DGKB: variants seen among roughly 807,000 people sequenced by gnomAD.
DGKB encodes the protein 90 kDa diacylglycerol kinase.
DGKB carries 67 observed loss-of-function variants against 114.3 expected under a neutral mutation model. The observed-to-expected ratio is 0.59, with a 90% CI of 0.48 to 0.72. DGKB has a LOEUF of 0.72. DGKB is among the 30% of genes least tolerant of loss of function. The probability of loss-of-function intolerance (pLI) is 0.00; values close to 1 mark genes in which losing one functional copy is unlikely to be tolerated. For synonymous variants in DGKB, 398 were observed against 323.1 expected, an observed-to-expected ratio of 1.23 and a Z score of -2.49; for missense variants, 907 against 975.2, an observed-to-expected ratio of 0.93 and a Z score of 0.93.
At chr7:14,493,612 G>A (rs1398395931) in intron 20 of DGKB, among the ~76,000 whole-genome samples, 1 of 152,026 alleles carries the variant, frequency 6.6e-6, no homozygotes, top group East Asian at 1.9e-4. Context: ...GTGGCAGGTA[G>A]CATATTCAAC....
chr7:14,754,078 T>C (rs538160825), intron 3 of DGKB, 130 bp from the exon 4 acceptor site: 191 of 600,486 alleles, frequency 3.2e-4, no homozygotes, highest in Non-Finnish European at 5.2e-4. Flanking sequence ...CCTAGATCCA[T>C]AGGCCTCAAA....
intron 23 of DGKB, among the ~76,000 whole-genome samples, chr7:14,279,853 A>G (rs9719390): frequency 0.76 from 110,441 of 146,264 alleles, 42,809 homozygotes; most frequent in South Asian, 0.85. Context: ...ACAAAAACCC[A>G]TCTGTACATC....
chr7:14,351,205 A>C (rs1188379620), intron 21 of DGKB, among the ~76,000 whole-genome samples: 1 of 152,230 alleles, frequency 6.6e-6, no homozygotes, highest in African/African-American at 2.4e-5. Flanking sequence ...CATTGCCAAG[A>C]AACATTACAC....
At chr7:14,949,874 T>C (rs1289369567) in intron 1 of DGKB, among the ~76,000 whole-genome samples, 1 of 151,786 alleles carries the variant, frequency 6.6e-6, no homozygotes, top group Non-Finnish European at 1.5e-5. Context: ...ACACTGCATG[T>C]TCTCACTCAT....
At chr7:14,972,477 C>T (rs1345855387) in intron 1 of DGKB, among the ~76,000 whole-genome samples, 2 of 151,990 alleles carry the variant, frequency 1.3e-5, no homozygotes, top group East Asian at 1.9e-4. Flanking sequence ...AAATAACTTG[C>T]TATCTTCTCT....
intron 7 of DGKB, among the ~76,000 whole-genome samples, chr7:14,701,437 G>A (rs1048045791): frequency 5.3e-5 from 8 of 152,052 alleles, no homozygotes; most frequent in African/African-American, 1.9e-4. Context: ...TAACTTCAGT[G>A]CAGGAAAAAT....
intron 18 of DGKB, among the ~76,000 whole-genome samples, chr7:14,582,355 C>G (rs969628406): frequency 6.6e-6 from 1 of 152,096 alleles, no homozygotes; most frequent in African/African-American, 2.4e-5. Context: ...GCATACTTAC[C>G]TTATATCCTC....
At chr7:14,823,336 C>G (rs1483209955) in intron 2 of DGKB, among the ~76,000 whole-genome samples, 1 of 151,866 alleles carries the variant, frequency 6.6e-6, no homozygotes, top group African/African-American at 2.4e-5. Flanking sequence ...AATATTTTCT[C>G]AATTTAAAAA....
At chr7:14,497,727 A>C (rs887919642) in intron 20 of DGKB, among the ~76,000 whole-genome samples, 5 of 151,968 alleles carry the variant, frequency 3.3e-5, no homozygotes, top group African/African-American at 1.2e-4. Context: ...CAGAGAGTGA[A>C]CAAACTGACA....
At chr7:14,692,731 C>T (rs1823095209) in intron 9 of DGKB, among the ~76,000 whole-genome samples, 2 of 151,092 alleles carry the variant, frequency 1.3e-5, no homozygotes, top group South Asian at 4.2e-4. Flanking sequence ...TTAAGGGTAA[C>T]TTTCCATATA....
In DGKB at chr7:14,583,083, A is replaced by G. The variant is rs924181246; in HGVS notation, c.1488T>C (p.Asp496=). ...PDFRVLACGG[D]GTVGWVLDCI... Reference sequence around the variant, plus strand: ...AATCCAAAACCCAGCCCACGGTTCCATCTCCACCACAGGCTAACACTCTGA... The same window carrying G: ...AATCCAAAACCCAGCCCACGGTTCCGTCTCCACCACAGGCTAACACTCTGA... Residue 496 remains aspartate (D), a synonymous_variant, in exon 18 of 26, where the codon GAT becomes GAC. Transcript: ENST00000402815. 4 of 1,613,568 alleles carry G rather than the reference A, an allele frequency of 2.5e-6. No homozygotes were observed. The highest frequency in any genetic ancestry group is 3.3e-5 in the Admixed American group (2 of 59,936).
At chr7:14,770,929 T>C (rs1196176249) in intron 2 of DGKB, among the ~76,000 whole-genome samples, 2 of 152,136 alleles carry the variant, frequency 1.3e-5, no homozygotes, top group East Asian at 3.9e-4. Context: ...AGACCATTCC[T>C]GGGCCTTGAA....
chr7:14,339,529 C>A (rs929039516), intron 22 of DGKB, among the ~76,000 whole-genome samples: 4 of 152,006 alleles, frequency 2.6e-5, no homozygotes, highest in Non-Finnish European at 5.9e-5. Flanking sequence ...AATTCACTAA[C>A]AAACAATGTT....
intron 25 of DGKB, among the ~76,000 whole-genome samples, chr7:14,162,133 G>A (rs1299828651): frequency 3.3e-5 from 5 of 152,038 alleles, no homozygotes; most frequent in East Asian, 1.9e-4. Flanking sequence ...ACACAAAATC[G>A]GAGATCACAG....
At chr7:14,313,050 G>T (rs961142892) in intron 23 of DGKB, among the ~76,000 whole-genome samples, 7 of 152,238 alleles carry the variant, frequency 4.6e-5, no homozygotes, top group African/African-American at 1.7e-4. Flanking sequence ...AGATTTTAAT[G>T]CAAAAGAGTA....
At chr7:14,735,462 G>C (rs1349721292) in intron 5 of DGKB, among the ~76,000 whole-genome samples, 2 of 151,946 alleles carry the variant, frequency 1.3e-5, no homozygotes, top group African/African-American at 4.8e-5. Flanking sequence ...TTTTACATTG[G>C]GTAATACAGT....
chr7:14,529,009 TCATTAGCAATTA>T (rs1791111362), intron 20 of DGKB, among the ~76,000 whole-genome samples: 1 of 152,064 alleles, frequency 6.6e-6, no homozygotes, highest in African/African-American at 2.4e-5. Context: ...TAGTTTAACT[TCATTAGCAATTA>T]CTGGGACCCA....
At chr7:14,720,134 T>C (rs6974115) in intron 5 of DGKB, among the ~76,000 whole-genome samples, 3,692 of 152,000 alleles carry the variant, frequency 0.024, 173 homozygotes, top group African/African-American at 0.083. Context: ...ATTAGTGGGA[T>C]TCATAATTGC....
chr7:14,503,109 G>A (rs1786463491), intron 20 of DGKB, among the ~76,000 whole-genome samples: 1 of 152,016 alleles, frequency 6.6e-6, no homozygotes, highest in South Asian at 2.1e-4. Flanking sequence ...CTGCGTGCTT[G>A]TGCTTCTACC....
Sources: gnomAD v4.1 joint callset for allele counts (sites outside exome capture counted in the v4.1 genomes callset) on GRCh38, gnomAD v4.1.1 for gene constraint, MANE v1.5 for transcripts, NCBI Gene and HGNC (gene_info 2026-07-23, HGNC 2026-07-21) for gene names.